MCC: variants seen among roughly 807,000 people sequenced by gnomAD.
MCC encodes MCC regulator of Wnt signaling pathway.
In MCC, 90 loss-of-function variants were observed where a neutral mutation model predicts 116.2. The ratio of observed to expected loss-of-function variants is 0.77; its 90% CI spans 0.65 to 0.92. The LOEUF is 0.92. Ranked by LOEUF, MCC falls within the 40% of genes least tolerant of loss-of-function variation. The pLI is 0.00. For synonymous variants in MCC, 578 were observed against 510.5 expected (o/e 1.13, Z -1.78); for missense variants, 1,516 against 1,312.2 (o/e 1.16, Z -2.40).
At chr5:113,480,246 G>A (rs921200112) in intron 1 of MCC, among the ~76,000 whole-genome samples, 2 of 152,186 alleles carry the variant, frequency 1.3e-5, no homozygotes, top group Non-Finnish European at 2.9e-5. Flanking sequence ...GTTGCTTAAG[G>A]ACGACTGAGC....
At chr5:113,341,831 C>CTT (rs57521275) in intron 2 of MCC, among the ~76,000 whole-genome samples, 14 of 151,836 alleles carry the variant, frequency 9.2e-5, no homozygotes, top group East Asian at 5.8e-4. Context: ...GAAAAGAAAA[C>CTT]TTTTTTTTAC....
chr5:113,049,361 T>C (rs1335291707), intron 15 of MCC, 62 bp from the exon 16 acceptor site: 2 of 1,418,054 alleles, frequency 1.4e-6, no homozygotes, highest in East Asian at 5.0e-5. Flanking sequence ...GCCTGGCTGC[T>C]GCCAAGTGGG....
Position 113,181,033 on chromosome 5 carries a change from G to A in MCC, c.628-29611C>T, listed in dbSNP as rs1761602835. 2.6e-5 allele frequency among the ~76,000 whole-genome samples: 4 copies of A among 152,132 alleles called. No individual in the cohort carries two copies. The South Asian group carries it at 6.2e-4, about 24-fold the overall frequency. ...CCCAACTTGATTAAATTAGATCAAT[G>A]TTGCAATGCCCTAAAAACCTATATT... is the stretch of plus-strand genomic sequence containing the variant. On this transcript the variant is annotated intron_variant, in intron 3 of 18. Transcript: ENST00000408903.
chr5:113,306,928 A>G (rs535262223), intron 3 of MCC, among the ~76,000 whole-genome samples: 3 of 152,142 alleles, frequency 2.0e-5, no homozygotes, highest in Non-Finnish European at 4.4e-5. Context: ...CTCCCACTGA[A>G]TAATTTTTGT....
At chr5:113,263,773 A>C (rs1765303763) in intron 3 of MCC, among the ~76,000 whole-genome samples, 1 of 152,152 alleles carries the variant, frequency 6.6e-6, no homozygotes, top group African/African-American at 2.4e-5. Flanking sequence ...TTTTCCTGAA[A>C]CGTTTATGGT....
chr5:113,405,420 CT>C (rs1267244097), intron 1 of MCC, among the ~76,000 whole-genome samples: 1 of 152,176 alleles, frequency 6.6e-6, no homozygotes, highest in Non-Finnish European at 1.5e-5. Context: ...ATTCTTTTCA[CT>C]CTCCAAATTT....
chr5:113,033,679 ACATAATC>A, intron 17 of MCC, among the ~76,000 whole-genome samples: 2 of 152,356 alleles, frequency 1.3e-5, no homozygotes, highest in Admixed American at 1.3e-4. Context: ...GGCCAGAAAT[ACATAATC>A]CATTCCTTTT....
chr5:113,488,071 T>C (rs1057827), intron 1 of MCC, among the ~76,000 whole-genome samples, 174 bp downstream of exon 1: 47,251 of 151,154 alleles, frequency 0.31, 7,779 homozygotes, highest in African/African-American at 0.36. Flanking sequence ...AACAGAGCAG[T>C]CCCCTCGGCC....
At chr5:113,264,683 A>C (rs982064662) in intron 3 of MCC, among the ~76,000 whole-genome samples, 3 of 152,218 alleles carry the variant, frequency 2.0e-5, no homozygotes, top group African/African-American at 7.2e-5. Flanking sequence ...ATGGTTAAAA[A>C]AATCAAAAGA....
intron 2 of MCC, among the ~76,000 whole-genome samples, chr5:113,364,481 T>G (rs1032024969): frequency 4.7e-4 from 72 of 152,216 alleles, no homozygotes; most frequent in African/African-American, 2.4e-5. Context: ...TGGCACTAAG[T>G]GCCGATGGCT....
intron 14 of MCC, among the ~76,000 whole-genome samples, chr5:113,061,049 T>C (rs1244567041): frequency 6.6e-6 from 1 of 152,208 alleles, no homozygotes; most frequent in African/African-American, 2.4e-5. Flanking sequence ...CAATGAAACT[T>C]TACCTTAATC....
chr5:113,196,985 A>G (rs996813713), intron 3 of MCC, among the ~76,000 whole-genome samples: 15 of 152,360 alleles, frequency 9.8e-5, no homozygotes, highest in African/African-American at 3.6e-4. Context: ...GAAATAAAAG[A>G]TGCAGTGTCT....
rs578122540 is a variant in MCC, at chr5:113,071,164, C to T, written c.1855G>A (p.Glu619Lys). 1.9e-6 allele frequency: 3 copies of T among 1,614,222 alleles called. No individual in the cohort carries two copies. The highest frequency in any genetic ancestry group is 2.2e-5 in the East Asian group (1 of 44,894). The change falls in exon 12 of 19, where the codon GAG becomes AAG. Residue 619 changes from glutamate (E) to lysine (K), a missense_variant. By Grantham distance (56) the Glu-to-Lys change is moderately conservative. Coordinates refer to ENST00000408903, the MANE Select transcript of MCC (RefSeq NM_001085377.2). ...ITLEECKSNA[E>K]RMSMLVGKYE... ...TTTCCCACCAGCATGCTCATCCTCT[C>T]GGCATTGCTTTTACATTCCTCCAAG...
At position 113,340,658 on chromosome 5, in the gene MCC, T is replaced by G; in HGVS notation, c.488A>C (p.Gln163Pro). Reference sequence around the variant, plus strand: ...CAGCTTCTGGAGGGCTGACTGGCTCTGCACATCCGGGCTCTGGAGGTCCCT... The same window carrying G: ...CAGCTTCTGGAGGGCTGACTGGCTCGGCACATCCGGGCTCTGGAGGTCCCT... ...GARDLQSPDV[Q>P]SQSALQKLLE... The change falls in exon 3 of 19, where the codon CAG becomes CCG. Residue 163 changes from glutamine to proline, a missense_variant. Gln to Pro is a moderately conservative substitution (Grantham distance 76, BLOSUM62 -1). Transcript: ENST00000408903. 6.2e-7 allele frequency: 1 copy of G among 1,614,148 alleles called. No homozygotes were observed. The highest frequency in any genetic ancestry group is 8.5e-7 in the Non-Finnish European group (1 of 1,180,022).
chr5:113,141,698 G>A (rs943964250), intron 5 of MCC, among the ~76,000 whole-genome samples: 5 of 152,204 alleles, frequency 3.3e-5, no homozygotes, highest in Admixed American at 1.3e-4. Flanking sequence ...CTCCACAGAT[G>A]TAGTCTTCCT....
intron 13 of MCC, among the ~76,000 whole-genome samples, chr5:113,067,574 T>G (rs987608126): frequency 6.6e-6 from 1 of 152,164 alleles, no homozygotes; most frequent in South Asian, 2.1e-4. Context: ...AGGTGGAGGT[T>G]GCAGTGAGCC....
intron 8 of MCC, among the ~76,000 whole-genome samples, chr5:113,088,014 G>A (rs544479068): frequency 1.3e-5 from 2 of 152,278 alleles, no homozygotes; most frequent in African/African-American, 2.4e-5. Context: ...TGCTGTGTAT[G>A]TGCACACATG....
At chr5:113,248,680 G>A (rs1343307217) in intron 3 of MCC, among the ~76,000 whole-genome samples, 2 of 152,138 alleles carry the variant, frequency 1.3e-5, no homozygotes, top group East Asian at 1.9e-4. Flanking sequence ...TATTCACCAA[G>A]AAGGGTCTTG....
intron 4 of MCC, 94 bp from the exon 5 acceptor site, chr5:113,143,454 C>T: frequency 7.5e-7 from 1 of 1,335,414 alleles, no homozygotes; most frequent in Non-Finnish European, 1.0e-6. Flanking sequence ...ATTACAACTG[C>T]CAACACTGAG....
Sources: allele counts gnomAD v4.1 joint callset (sites outside exome capture counted in the v4.1 genomes callset), GRCh38; gene constraint gnomAD v4.1.1; transcripts MANE v1.5; gene names NCBI Gene and HGNC (gene_info 2026-07-23, HGNC 2026-07-21).